PPP2R2B: variants seen among roughly 807,000 people sequenced by gnomAD.
PPP2R2B encodes the protein protein phosphatase 2 regulatory subunit Bbeta, also known as serine/threonine-protein phosphatase 2A 55 kDa regulatory subunit B beta isoform.
PPP2R2B carries 5 observed loss-of-function variants against 46.0 expected under a neutral mutation model. That is an observed-to-expected ratio of 0.11 (90% CI 0.06 to 0.23). The LOEUF is 0.23. PPP2R2B is among the 10% of genes least tolerant of loss of function. The probability of loss-of-function intolerance (pLI) is 1.00; values close to 1 mark genes in which losing one functional copy is unlikely to be tolerated. For synonymous variants in PPP2R2B, 215 were observed against 206.7 expected (o/e 1.04, Z -0.34); for missense variants, 367 against 575.0 (o/e 0.64, Z 3.70).
intron 2 of PPP2R2B, among the ~76,000 whole-genome samples, chr5:146,738,104 T>C (rs940293345): frequency 2.0e-5 from 3 of 151,810 alleles, no homozygotes; most frequent in Non-Finnish European, 4.4e-5. Flanking sequence ...ATATAAAAAA[T>C]CTTAGCTTCG....
chr5:146,939,424 G>A (rs146335659), intron 1 of PPP2R2B, among the ~76,000 whole-genome samples: 111 of 152,308 alleles, frequency 7.3e-4, no homozygotes, highest in Middle Eastern at 3.4e-3. Flanking sequence ...ATGAGCAGAA[G>A]TCAAGCTTAG....
chr5:147,066,385 T>C (rs1283878044), intron 2 of PPP2R2B, among the ~76,000 whole-genome samples: 1 of 152,212 alleles, frequency 6.6e-6, no homozygotes, highest in Non-Finnish European at 1.5e-5. Context: ...GCCCTGGATG[T>C]AGCTTCAATT....
chr5:146,683,677 C>T (rs989305179), intron 5 of PPP2R2B, among the ~76,000 whole-genome samples: 1 of 152,088 alleles, frequency 6.6e-6, no homozygotes, highest in Middle Eastern at 3.2e-3. Flanking sequence ...ATGAGCAGAA[C>T]AGAAACATCC....
chr5:146,592,244 C>G (rs998727220), intron 9 of PPP2R2B: 5 of 375,102 alleles, frequency 1.3e-5, no homozygotes, highest in African/African-American at 2.2e-5. Context: ...AGCCAAGAAA[C>G]AGGTGGAGTG....
At chr5:146,979,653 G>A (rs1282490581) in intron 1 of PPP2R2B, among the ~76,000 whole-genome samples, 1 of 151,630 alleles carries the variant, frequency 6.6e-6, no homozygotes, top group Non-Finnish European at 1.5e-5. Context: ...GTAAATGCCT[G>A]AAACCACAGA....
chr5:146,678,733 T>A (rs1326217715), intron 5 of PPP2R2B, among the ~76,000 whole-genome samples: 1 of 147,600 alleles, frequency 6.8e-6, no homozygotes, highest in Non-Finnish European at 1.5e-5. Flanking sequence ...ATCACAAGCA[T>A]TCTTATACAC....
intron 5 of PPP2R2B, among the ~76,000 whole-genome samples, chr5:146,683,216 C>T (rs1033798182): frequency 1.3e-5 from 2 of 152,212 alleles, no homozygotes; most frequent in Non-Finnish European, 2.9e-5. Context: ...AGAAAGCCCA[C>T]CTGTGCCCAA....
intron 2 of PPP2R2B, among the ~76,000 whole-genome samples, chr5:147,072,947 T>C (rs1757645864): frequency 6.6e-6 from 1 of 152,214 alleles, no homozygotes; most frequent in African/African-American, 2.4e-5. Context: ...CCTTCCCTGC[T>C]CTGTTCCTAG....
chr5:146,624,056 T>C (rs1773879618), intron 7 of PPP2R2B, among the ~76,000 whole-genome samples: 1 of 152,290 alleles, frequency 6.6e-6, no homozygotes, highest in Middle Eastern at 3.4e-3. Flanking sequence ...ATTCATTATA[T>C]GATGTAAGAA....
chr5:146,823,957 C>T (rs1239532982), intron 2 of PPP2R2B, among the ~76,000 whole-genome samples: 2 of 152,148 alleles, frequency 1.3e-5, no homozygotes, highest in East Asian at 3.8e-4. Flanking sequence ...GGTAGCACTC[C>T]ATTTCCCTCC....
rs371730942 is a variant in PPP2R2B at position 146,597,311 on chromosome 5, TTGTCATTGCTATCCCTGTACC to T, written c.960+2959_960+2979del. Among the ~76,000 whole-genome samples, 1,020 of 152,314 alleles carry T rather than the reference TTGTCATTGCTATCCCTGTACC, an allele frequency of 6.7e-3. 5 individuals carry two copies. The highest frequency in any genetic ancestry group is 0.023 in the African/African-American group (963 of 41,558). On this transcript the variant is annotated intron_variant, in intron 8 of 9. Transcript: ENST00000394411. Reference sequence around the variant, plus strand: ...TGCTTCCTTGGTCATATTATGAACCTTGTCATTGCTATCCCTGTACCTGTCATTGCTATCCCTGTTGCTGTT... The same window carrying T: ...TGCTTCCTTGGTCATATTATGAACCTTGTCATTGCTATCCCTGTTGCTGTT...
At chr5:146,705,900 CAA>C (rs932611824) in intron 2 of PPP2R2B, among the ~76,000 whole-genome samples, 2 of 149,438 alleles carry the variant, frequency 1.3e-5, no homozygotes, top group Admixed American at 6.7e-5. Flanking sequence ...GCAATTTTGT[CAA>C]AGTGTTTTCA....
At chr5:146,618,714 A>G (rs1388199126) in intron 7 of PPP2R2B, among the ~76,000 whole-genome samples, 3 of 152,192 alleles carry the variant, frequency 2.0e-5, no homozygotes, top group Non-Finnish European at 4.4e-5. Flanking sequence ...TCACTGTCCA[A>G]GGGAGCTGGT....
intron 5 of PPP2R2B, among the ~76,000 whole-genome samples, chr5:146,665,278 A>G (rs912948176): frequency 3.3e-5 from 5 of 152,218 alleles, no homozygotes; most frequent in African/African-American, 1.2e-4. Flanking sequence ...TGTTTAGTGT[A>G]GCCACCGCCA....
At chr5:146,800,440 T>G (rs1415900542) in intron 2 of PPP2R2B, among the ~76,000 whole-genome samples, 1 of 152,140 alleles carries the variant, frequency 6.6e-6, no homozygotes, top group Non-Finnish European at 1.5e-5. Context: ...GGGCACTCTC[T>G]AATGCTGTCT....
intron 1 of PPP2R2B, among the ~76,000 whole-genome samples, chr5:146,955,449 T>C (rs1669900250): frequency 6.6e-6 from 1 of 152,182 alleles, no homozygotes; most frequent in South Asian, 2.1e-4. Context: ...ATGTTTTAAA[T>C]TGTTCTGTAA....
chr5:146,756,578 C>T (rs1753845227), intron 2 of PPP2R2B, among the ~76,000 whole-genome samples: 3 of 152,138 alleles, frequency 2.0e-5, no homozygotes, highest in African/African-American at 7.2e-5. Context: ...GGTTTGAATC[C>T]TAGCTCTGTC....
rs370641103 is a variant in PPP2R2B, at chr5:146,942,399, G to A, written c.79+113266C>T. ...CAAATGTTCTTTTCTTATACCGTCA[G>A]AAATAAGTCAAGTTCAAGGACAGAA... On this transcript the variant is annotated intron_variant, in intron 1 of 8. Coordinates refer to the PPP2R2B transcript ENST00000336640. Among the ~76,000 whole-genome samples, 7 of 152,286 alleles carry A rather than the reference G, an allele frequency of 4.6e-5. No homozygotes were observed. The East Asian group carries it at 9.7e-4, about 21-fold the overall frequency.
intron 2 of PPP2R2B, among the ~76,000 whole-genome samples, chr5:147,074,318 C>T (rs1354650747): frequency 6.6e-6 from 1 of 152,138 alleles, no homozygotes; most frequent in African/African-American, 2.4e-5. Context: ...TAGAAAGCTT[C>T]TGTCCAAAAA....
Sources: allele counts gnomAD v4.1 joint callset (sites outside exome capture counted in the v4.1 genomes callset), GRCh38; gene constraint gnomAD v4.1.1; transcripts MANE v1.5; gene names NCBI Gene and HGNC (gene_info 2026-07-23, HGNC 2026-07-21).